WHAMM: variants seen among roughly 807,000 people sequenced by gnomAD.
WHAMM encodes the protein WASP homolog associated with actin, golgi membranes and microtubules.
Under a neutral mutation model 76.5 loss-of-function variants are expected in WHAMM, and 67 were observed. The observed-to-expected ratio is 0.88, with a 90% CI of 0.72 to 1.07. WHAMM has a LOEUF of 1.07. WHAMM is among the 50% of genes least tolerant of loss of function. The pLI, the probability that WHAMM is intolerant of heterozygous loss-of-function variation, is 0.00. For missense variants in WHAMM, 1,021 were observed against 1,051.1 expected, an observed-to-expected ratio of 0.97 and a Z score of 0.40; for synonymous variants, 419 against 422.1, an observed-to-expected ratio of 0.99 and a Z score of 0.09.
chr15:82,821,704 C>T (rs2050831999), intron 5 of WHAMM, among the ~76,000 whole-genome samples: 2 of 152,150 alleles, frequency 1.3e-5, no homozygotes, highest in Admixed American at 1.3e-4. Flanking sequence ...CTCCTTTATT[C>T]TTCCAGATGA....
chr15:82,821,277 C>T (rs2050822514), intron 5 of WHAMM, among the ~76,000 whole-genome samples: 1 of 152,098 alleles, frequency 6.6e-6, no homozygotes, highest in African/African-American at 2.4e-5. Context: ...ATTTTTTTCC[C>T]CATGGCTTCT....
Position 82,826,602 on chromosome 15 carries a change from C to T in WHAMM, c.1545+106C>T. The T allele has an allele frequency of 3.2e-6, 5 of 1,581,816 alleles. No individual in the cohort carries two copies. In the South Asian group the frequency reaches 5.7e-5, roughly 18 times the overall value. On this transcript the variant is annotated intron_variant, in intron 7 of 9. Coordinates refer to ENST00000286760, the MANE Select transcript of WHAMM (RefSeq NM_001080435.3). ...CTGCCCTGGACCTGCAGCTGTCAGC[C>T]ATTAGCCTCCAGGTCTGCAGCCTGG...
Position 82,810,111 on chromosome 15 carries a change from C to G in WHAMM, c.385C>G (p.Leu129Val). Residue 129 changes from leucine (L) to valine (V), a missense_variant, in exon 1 of 10, where the codon CTG becomes GTG. Physicochemically the swap from Leu to Val is conservative, Grantham distance 32. This residue lies in a region of WHAMM where 501 missense variants were observed against 524.9 expected (regional missense o/e 0.95). Coordinates refer to ENST00000286760, the MANE Select transcript of WHAMM (RefSeq NM_001080435.3). Reference sequence around the variant, plus strand: ...GGGTCTGGGGCTCGGGCTGTGGGCGCTGCTGTGGCCGACGCGCGCGGGTCC... The same window carrying G: ...GGGTCTGGGGCTCGGGCTGTGGGCGGTGCTGTGGCCGACGCGCGCGGGTCC... ...AWGLGLGLWA[L>V]LWPTRAGPGE... 7.5e-7 allele frequency: 1 copy of G among 1,329,902 alleles called. No homozygotes were observed. Among genetic ancestry groups the G allele is most frequent in the Non-Finnish European group, 9.7e-7 (1 of 1,034,724 alleles). The allele number at this position is 1,329,902 out of a possible 1,614,324, so 82.4% of individuals were successfully genotyped here. A position where few individuals can be genotyped will look rare whatever the true frequency, so the allele number is the denominator to read the frequency against.
intron 6 of WHAMM, among the ~76,000 whole-genome samples, chr15:82,824,923 G>A (rs1438053467): frequency 1.3e-5 from 2 of 152,194 alleles, no homozygotes; most frequent in Non-Finnish European, 2.9e-5. Flanking sequence ...TTGGGAGGCT[G>A]AGGTGGGAGA....
intron 1 of WHAMM, among the ~76,000 whole-genome samples, chr15:82,811,868 A>T (rs1247357799): frequency 6.6e-6 from 1 of 152,172 alleles, no homozygotes; most frequent in Non-Finnish European, 1.5e-5. Context: ...AAAACCCATA[A>T]TATTATTACC....
intron 6 of WHAMM, among the ~76,000 whole-genome samples, chr15:82,825,486 T>C (rs941980742): frequency 1.1e-4 from 17 of 152,318 alleles, no homozygotes; most frequent in Admixed American, 9.8e-4. Flanking sequence ...TCTGGAAATG[T>C]TGGAATTTGG....
At position 82,809,780 on chromosome 15, in the gene WHAMM, C is replaced by G; in HGVS notation, c.54C>G (p.Gly18=). The change falls in exon 1 of 10, where the codon GGC becomes GGG. Residue 18 remains glycine, a synonymous_variant. Coordinates refer to ENST00000286760, the MANE Select transcript of WHAMM (RefSeq NM_001080435.3). ...SLEGWVPVRE[G]LFAEPERHRL... is the part of the protein sequence containing the mutation. ...AGGGCTGGGTGCCGGTCCGGGAGGG[C>G]CTCTTCGCCGAGCCCGAGAGGCACC... 1.9e-6 allele frequency: 3 copies of G among 1,597,154 alleles called. No individual in the cohort carries two copies. The highest frequency in any genetic ancestry group is 2.6e-6 in the Non-Finnish European group (3 of 1,172,776).
intron 9 of WHAMM, among the ~76,000 whole-genome samples, 156 bp downstream of exon 9, chr15:82,831,235 T>G (rs2051028682): frequency 6.6e-6 from 1 of 152,242 alleles, no homozygotes; most frequent in Non-Finnish European, 1.5e-5. Context: ...ATCATTATTC[T>G]TTTATTGGAA....
Position 82,810,082 on chromosome 15 carries a change from C to CCTGGGGT in WHAMM, c.363_369dup (p.Leu124SerfsTer52), listed in dbSNP as rs760853137. The CCTGGGGT allele has an allele frequency of 1.6e-6, 2 of 1,235,736 alleles. No homozygotes were observed. The highest frequency in any genetic ancestry group is 5.9e-5 in the South Asian group (2 of 33,984). 76.5% of individuals were successfully genotyped at this position (1,235,736 alleles called of 1,614,324 possible). A position where few individuals can be genotyped will look rare whatever the true frequency, so the allele number is the denominator to read the frequency against. ...GAGCTGGACGTGGGCGGCGGCGGGG[C>CCTGGGGT]CTGGGGTCTGGGGCTCGGGCTGTGG... On this transcript the variant is annotated frameshift_variant, in exon 1 of 10. Coordinates refer to ENST00000286760, the MANE Select transcript of WHAMM (RefSeq NM_001080435.3). LOFTEE classifies it high-confidence loss of function.
intron 8 of WHAMM, among the ~76,000 whole-genome samples, chr15:82,828,648 G>A (rs759613907): frequency 6.6e-6 from 1 of 152,156 alleles, no homozygotes; most frequent in Non-Finnish European, 1.5e-5. Context: ...TTTCATGTGT[G>A]GGTGATATGA....
intron 5 of WHAMM, among the ~76,000 whole-genome samples, chr15:82,822,485 T>C (rs2151566025): frequency 6.6e-6 from 1 of 152,366 alleles, no homozygotes; most frequent in African/African-American, 2.4e-5. Context: ...TTGCCCAGGC[T>C]GGAGTGCAGT....
At chr15:82,820,345 A>G (rs2050798632) in intron 5 of WHAMM, among the ~76,000 whole-genome samples, 1 of 152,196 alleles carries the variant, frequency 6.6e-6, no homozygotes, top group Non-Finnish European at 1.5e-5. Flanking sequence ...TGGATATACC[A>G]TGATTTCCAA....
In WHAMM at chr15:82,809,922, GAGCCCA is replaced by G; in HGVS notation, c.201_206del (p.Lys68_Pro69del). 6.6e-7 allele frequency: 1 copy of G among 1,509,892 alleles called. No homozygotes were observed. The highest frequency in any genetic ancestry group is 8.9e-7 in the Non-Finnish European group (1 of 1,125,422). 93.5% of individuals were successfully genotyped at this position (1,509,892 alleles called of 1,614,324 possible). On this transcript the variant is annotated inframe_deletion, in exon 1 of 10. Coordinates refer to ENST00000286760, the MANE Select transcript of WHAMM (RefSeq NM_001080435.3). ...GGGGGCCCGGTTGGGGCCCGAGCCCGAGCCCAAGCCTGAGGCCGCCGTCTCCCCGTC... is the reference window on the plus strand; with the variant it reads ...GGGGGCCCGGTTGGGGCCCGAGCCCGAGCCTGAGGCCGCCGTCTCCCCGTC...
chr15:82,815,155 A>ATATATATATATAT (rs55807384), intron 2 of WHAMM, among the ~76,000 whole-genome samples: 17 of 46,130 alleles, frequency 3.7e-4, no homozygotes, highest in Non-Finnish European at 4.4e-4. Context: ...ATATATATAT[A>ATATATATATATAT]GTACAATTCA....
rs796514276 is a variant in WHAMM, at chr15:82,825,393, T to C, written c.1459-1017T>C. 5.3e-5 allele frequency among the ~76,000 whole-genome samples: 8 copies of C among 152,230 alleles called. 1 individual carries two copies. The highest frequency in any genetic ancestry group is 1.9e-4 in the African/African-American group (8 of 41,542). ...ATATAAAATGCTCCTATGCCTTCTC[T>C]TATCCAGACTTGGAGCATTAACCTT... is the stretch of plus-strand genomic sequence containing the variant. On this transcript the variant is annotated intron_variant, in intron 6 of 9. Coordinates refer to ENST00000286760, the MANE Select transcript of WHAMM (RefSeq NM_001080435.3).
chr15:82,822,148 A>G (rs2050838297), intron 5 of WHAMM, among the ~76,000 whole-genome samples: 1 of 152,236 alleles, frequency 6.6e-6, no homozygotes, highest in South Asian at 2.1e-4. Flanking sequence ...TGTTACAGTA[A>G]GCATGGCTTT....
chr15:82,820,265 T>A (rs2050796586), intron 5 of WHAMM, among the ~76,000 whole-genome samples: 1 of 152,218 alleles, frequency 6.6e-6, no homozygotes, highest in Non-Finnish European at 1.5e-5. Flanking sequence ...ATTTAATACA[T>A]AACTGTCTTT....
At position 82,833,315 on chromosome 15, in the gene WHAMM, G is replaced by C. The variant is rs367857647; in HGVS notation, c.2209G>C (p.Ala737Pro). Residue 737 changes from alanine (A) to proline (P), a missense_variant, in exon 10 of 10, where the codon GCC (alanine) becomes CCC (proline). By Grantham distance (27) the Ala-to-Pro change is conservative. Transcript: ENST00000286760. ...VEVPAVRPPH[A>P]SINEHILAAI... ...AGTGCCGGCGGTGCGCCCTCCCCAC[G>C]CCTCAATCAATGAGCACATTCTGGC... 4 of 1,613,960 alleles carry C rather than the reference G, an allele frequency of 2.5e-6. No individual in the cohort carries two copies. Among genetic ancestry groups the C allele is most frequent in the Non-Finnish European group, 3.4e-6 (4 of 1,179,866 alleles).
Position 82,810,282 on chromosome 15 carries a change from C to G in WHAMM, c.556C>G (p.Arg186Gly). 1 of 1,366,748 alleles carries G rather than the reference C, an allele frequency of 7.3e-7. No homozygotes were observed. Among genetic ancestry groups the G allele is most frequent in the Non-Finnish European group, 9.4e-7 (1 of 1,063,388 alleles). The allele number at this position is 1,366,748 out of a possible 1,614,324, so 84.7% of individuals were successfully genotyped here. Residue 186 changes from arginine to glycine, a missense_variant, in exon 1 of 10, where the codon CGG (arginine) becomes GGG (glycine). This residue lies in a region of WHAMM where 501 missense variants were observed against 524.9 expected (regional missense o/e 0.95). Transcript: ENST00000286760. ...AADCESPREF[R>G]ERALRARWVE... is the part of the protein sequence containing the mutation. ...CGACTGCGAAAGCCCGCGCGAGTTC[C>G]GGGAGCGGGCCTTGCGCGCGCGGTG...
Sources: allele counts gnomAD v4.1 joint callset (sites outside exome capture counted in the v4.1 genomes callset), GRCh38; gene constraint gnomAD v4.1.1; regional missense constraint gnomAD v4.1.1; transcripts MANE v1.5; gene names NCBI Gene and HGNC (gene_info 2026-07-23, HGNC 2026-07-21).